Variants in WAC observed in about 807,000 individuals in gnomAD.
The protein encoded by WAC is WW domain-containing adapter protein with coiled-coil.
In WAC, 11 loss-of-function variants were observed where a neutral mutation model predicts 79.6. The observed-to-expected ratio is 0.14, with a 90% CI of 0.09 to 0.23. The LOEUF (loss-of-function observed/expected upper bound fraction) is 0.23. Among genes scored for constraint, WAC ranks in the 10% least tolerant of loss-of-function variants. The pLI, the probability that WAC is intolerant of heterozygous loss-of-function variation, is 1.00. For missense variants in WAC, 728 were observed against 773.5 expected (o/e 0.94, Z 0.70); for synonymous variants, 304 against 276.9 (o/e 1.10, Z -0.97).
chr10:28,535,528 TTCTC>T lies in WAC; in HGVS notation c.79-30_79-27del, dbSNP rs752255047. On this transcript the variant is annotated intron_variant, in intron 2 of 13. Transcript: ENST00000354911. ...TTAGGGAGTTTAAGGTTTCAATTCT[TTCTC>T]TCTTTTTTTGGGGGGGTGATGTTTT... 1.6e-5 allele frequency: 24 copies of T among 1,526,600 alleles called. No homozygotes were observed. In the African/African-American group the frequency reaches 2.4e-4, roughly 15 times the overall value. The allele number at this position is 1,526,600 out of a possible 1,614,324, so 94.6% of individuals were successfully genotyped here. A position where few individuals can be genotyped will look rare whatever the true frequency, so the allele number is the denominator to read the frequency against.
chr10:28,547,650 TA>T (rs1195785332), intron 3 of WAC, among the ~76,000 whole-genome samples: 1 of 152,138 alleles, frequency 6.6e-6, no homozygotes, highest in Non-Finnish European at 1.5e-5. Flanking sequence ...TTGGCTATAT[TA>T]AAAAATCATT....
At chr10:28,560,998 T>C (rs984338392) in intron 3 of WAC, among the ~76,000 whole-genome samples, 3 of 152,128 alleles carry the variant, frequency 2.0e-5, no homozygotes, top group Non-Finnish European at 2.9e-5. Context: ...GAATGTCTAC[T>C]GAATGCCAGA....
At chr10:28,604,646 G>A (rs1840844965) in intron 7 of WAC, among the ~76,000 whole-genome samples, 6 of 152,088 alleles carry the variant, frequency 3.9e-5, no homozygotes, top group East Asian at 1.9e-4. Flanking sequence ...ACTTGAACCC[G>A]GAGGCAGAGA....
rs981703631 is a variant in WAC at position 28,535,314 on chromosome 10, G to A, written c.79-248G>A. 4 of 344,026 alleles carry A rather than the reference G, an allele frequency of 1.2e-5. No homozygotes were observed. The South Asian group carries it at 3.3e-4, about 29-fold the overall frequency. 21.3% of individuals were successfully genotyped at this position (344,026 alleles called of 1,614,324 possible). ...TTTTGCAGAATCAGTGTGCAAGGTG[G>A]TTTATAAGATAATGGAGTGGGTTTT... On this transcript the variant is annotated intron_variant, in intron 2 of 13. Transcript: ENST00000354911.
chr10:28,603,975 A>ATGTATGTG lies in WAC; in HGVS notation c.920-4210_920-4209insGTATGTGT, dbSNP rs1365277621. On this transcript the variant is annotated intron_variant, in intron 7 of 13. Transcript: ENST00000354911. ...TATGTATGTATGTATATATATATAT[A>ATGTATGTG]TATATATATATATGTATATATATAT... 2.1e-5 allele frequency among the ~76,000 whole-genome samples: 2 copies of ATGTATGTG among 95,478 alleles called. 1 individual carries two copies. Among genetic ancestry groups the ATGTATGTG allele is most frequent in the African/African-American group, 9.5e-5 (2 of 21,112 alleles). 62.6% of individuals were successfully genotyped at this position (95,478 alleles called of 152,430 possible).
intron 3 of WAC, among the ~76,000 whole-genome samples, chr10:28,572,454 A>G (rs1263132870): frequency 6.6e-6 from 1 of 152,156 alleles, no homozygotes; most frequent in African/African-American, 2.4e-5. Context: ...GAGAAATCAA[A>G]CATGACCAAG....
intron 9 of WAC, chr10:28,611,388 A>T: frequency 2.3e-6 from 3 of 1,300,518 alleles, no homozygotes; most frequent in Non-Finnish European, 3.0e-6. Flanking sequence ...TAATGGTGCA[A>T]AGACTCTTGC....
chr10:28,608,876 CT>C, intron 8 of WAC, among the ~76,000 whole-genome samples: 1 of 152,232 alleles, frequency 6.6e-6, no homozygotes, highest in East Asian at 1.9e-4. Flanking sequence ...ACTTAAAATA[CT>C]TTCAAAAAAT....
At chr10:28,605,245 G>A (rs1400394186) in intron 7 of WAC, among the ~76,000 whole-genome samples, 1 of 152,140 alleles carries the variant, frequency 6.6e-6, no homozygotes, top group African/African-American at 2.4e-5. Flanking sequence ...AAAGTTAAAA[G>A]GAACCTTGGA....
chr10:28,616,539 A>G (rs1841475616), intron 12 of WAC, among the ~76,000 whole-genome samples, 177 bp downstream of exon 12: 1 of 152,246 alleles, frequency 6.6e-6, no homozygotes, highest in African/African-American at 2.4e-5. Context: ...TGGTTTTACA[A>G]AATATTTTAA....
chr10:28,553,607 G>A (rs1433665123), intron 3 of WAC, among the ~76,000 whole-genome samples: 2 of 152,166 alleles, frequency 1.3e-5, no homozygotes, highest in Admixed American at 1.3e-4. Context: ...TGCCGTTTAA[G>A]ATTGAGGGAA....
intron 3 of WAC, among the ~76,000 whole-genome samples, chr10:28,554,455 A>AGTT (rs1471802552): frequency 2.0e-5 from 3 of 152,146 alleles, no homozygotes; most frequent in Non-Finnish European, 2.9e-5. Context: ...AAAACTTAAG[A>AGTT]GTTGTATTAA....
At chr10:28,572,174 TA>T (rs11336275) in intron 3 of WAC, among the ~76,000 whole-genome samples, 87,161 of 151,402 alleles carry the variant, frequency 0.58, 25,623 homozygotes, top group East Asian at 0.67. Context: ...CCATCTCTAC[TA>T]AAAGTACAAA....
At chr10:28,590,665 G>A in intron 5 of WAC, 55 bp from the exon 6 acceptor site, 2 of 1,450,158 alleles carry the variant, frequency 1.4e-6, no homozygotes, top group Non-Finnish European at 1.9e-6. Context: ...GTTTAGTATG[G>A]AAACTCATGC....
intron 8 of WAC, among the ~76,000 whole-genome samples, chr10:28,608,987 T>TA (rs1294932108): frequency 2.0e-5 from 3 of 152,232 alleles, no homozygotes; most frequent in Non-Finnish European, 4.4e-5. Flanking sequence ...TAATGCTACT[T>TA]ACGTTTCAGA....
intron 7 of WAC, among the ~76,000 whole-genome samples, chr10:28,602,790 A>C (rs181956535): frequency 1.3e-5 from 2 of 152,350 alleles, no homozygotes; most frequent in Admixed American, 6.5e-5. Context: ...CCCTAGAAAG[A>C]GGTTATAGCA....
At chr10:28,551,687 C>G (rs370634091) in intron 3 of WAC, among the ~76,000 whole-genome samples, 115 of 151,682 alleles carry the variant, frequency 7.6e-4, no homozygotes, top group Non-Finnish European at 1.5e-3. Flanking sequence ...GATATTGGAG[C>G]GAATGCTGTA....
At chr10:28,579,494 T>C (rs1839422891) in intron 3 of WAC, among the ~76,000 whole-genome samples, 1 of 152,222 alleles carries the variant, frequency 6.6e-6, no homozygotes, top group South Asian at 2.1e-4. Context: ...GAAGTCTTAC[T>C]ATATTCTTTC....
intron 4 of WAC, among the ~76,000 whole-genome samples, chr10:28,584,946 T>C (rs1193297069): frequency 6.6e-6 from 1 of 152,130 alleles, no homozygotes; most frequent in African/African-American, 2.4e-5. Flanking sequence ...CAAGCACCTG[T>C]AATCCCAGCT....
Sources: allele counts gnomAD v4.1 joint callset (sites outside exome capture counted in the v4.1 genomes callset), GRCh38; gene constraint gnomAD v4.1.1; transcripts MANE v1.5; gene names NCBI Gene and HGNC (gene_info 2026-07-23, HGNC 2026-07-21).